Variants in UBQLNL observed in about 807,000 individuals in gnomAD.
UBQLNL encodes ubiquilin like.
For synonymous variants in UBQLNL, 223 were observed against 209.7 expected (o/e 1.06, Z -0.55); for missense variants, 589 against 567.1 (o/e 1.04, Z -0.39).
Position 5,515,634 on chromosome 11 carries a change from G to A in UBQLNL, c.808C>T (p.Leu270=), listed in dbSNP as rs1454610753. Residue 270 remains leucine, a synonymous_variant, in exon 1 of 1, where the codon CTG becomes TTG. Transcript: ENST00000380184. ...LETMPGGNNA[L]GQNYADINDQ... is the part of the protein sequence containing the mutation. ...TTGATATCAGCATAGTTCTGACCCA[G>A]GGCATTATTCCCACCTGGCATTGTC... The A allele has an allele frequency of 6.2e-7, 1 of 1,614,122 alleles. No individual in the cohort carries two copies. The highest frequency in any genetic ancestry group is 1.7e-5 in the Admixed American group (1 of 60,014).
chr11:5,516,503 G>A lies in UBQLNL; in HGVS notation c.-62C>T, dbSNP rs1590041083. 5.0e-6 allele frequency: 7 copies of A among 1,408,424 alleles called. No homozygotes were observed. In the East Asian group the frequency reaches 1.6e-4, roughly 32 times the overall value. 87.2% of individuals were successfully genotyped at this position (1,408,424 alleles called of 1,614,324 possible). ...AGCTGGGGCAGAAAGGGTGAGGGCA[G>A]ACAAATGTTTCTGCTGGCCTTTGTC... is the stretch of plus-strand genomic sequence containing the variant. On this transcript the variant is annotated 5_prime_UTR_variant, in exon 1 of 1. Coordinates refer to ENST00000380184, the MANE Select transcript of UBQLNL (RefSeq NM_145053.5).
rs189066178 is a variant in UBQLNL, at chr11:5,515,479, G to A, written c.963C>T (p.Asp321=). The A allele has an allele frequency of 5.6e-6, 9 of 1,614,182 alleles. No homozygotes were observed. In the Admixed American group the frequency reaches 1.5e-4, roughly 27 times the overall value. Residue 321 remains aspartate, a synonymous_variant, in exon 1 of 1, where the codon GAC becomes GAT. Coordinates refer to ENST00000380184, the MANE Select transcript of UBQLNL (RefSeq NM_145053.5). ...GGGTTGCAGGATGCTGTGTGAGCTG[G>A]TCTTGTTGTTCCTGTGATGGTGGTG... ...PPPPPSQEQQ[D]QLTQHPATRV... is the part of the protein sequence containing the mutation.
rs1411697471 is a variant in UBQLNL at position 5,515,159 on chromosome 11, C to T, written c.1283G>A (p.Gly428Asp). ...GTTGTTCATAAGCAACTGCATCATG[C>T]CTCCTGTGATCTGGGAGCTGCTCTG... ...DEQSSSQITG[G>D]MMQLLMNNPY... Residue 428 changes from glycine to aspartate, a missense_variant, in exon 1 of 1, where the codon GGC (glycine) becomes GAC (aspartate). Coordinates refer to ENST00000380184, the MANE Select transcript of UBQLNL (RefSeq NM_145053.5). The T allele has an allele frequency of 6.2e-7, 1 of 1,614,222 alleles. No individual in the cohort carries two copies. The highest frequency in any genetic ancestry group is 2.2e-5 in the East Asian group (1 of 44,884).
chr11:5,515,711 G>A lies in UBQLNL; in HGVS notation c.731C>T (p.Pro244Leu), dbSNP rs1265685039. The change falls in exon 1 of 1, where the codon CCT (proline) becomes CTT (leucine). Residue 244 changes from proline to leucine, a missense_variant. Physicochemically the swap from Pro to Leu is moderately conservative, Grantham distance 98 (BLOSUM62 -3). Transcript: ENST00000380184. The part of the protein sequence containing the change: ...MIQEIMQIQQ[P>L]SQNLEYPLNP... ...CAGTGGATACTCAAGGTTTTGTGAA[G>A]GTTGTTGGATCTGCATTATCTCTTG... 1.2e-6 allele frequency: 2 copies of A among 1,614,052 alleles called. No individual in the cohort carries two copies. The highest frequency in any genetic ancestry group is 1.7e-5 in the Admixed American group (1 of 60,004).
chr11:5,515,438 CTAT>C lies in UBQLNL; in HGVS notation c.1001_1003del (p.Asn334del), dbSNP rs1846517265. 3.7e-6 allele frequency: 6 copies of C among 1,614,096 alleles called. No homozygotes were observed. Among genetic ancestry groups the C allele is most frequent in the Non-Finnish European group, 5.1e-6 (6 of 1,180,028 alleles). ...GGTGTTTGAAGAGAAACCACCAGAG[CTAT>C]TATAGATGACTCGGGTTGCAGGATG... On this transcript the variant is annotated inframe_deletion, in exon 1 of 1. Coordinates refer to ENST00000380184, the MANE Select transcript of UBQLNL (RefSeq NM_145053.5).
In UBQLNL at chr11:5,516,456, G is replaced by A. The variant is rs776190935; in HGVS notation, c.-15C>T. 2.9e-5 allele frequency: 46 copies of A among 1,604,830 alleles called. 1 individual carries two copies. In the East Asian group the frequency reaches 9.9e-4, roughly 34 times the overall value. On this transcript the variant is annotated 5_prime_UTR_variant, in exon 1 of 1. Transcript: ENST00000380184. Reference sequence around the variant, plus strand: ...GCATGCCACATGGGCTTTAGTGGGTGGGCAGATGGGGAGCAGGTGGAAGCT... The same window carrying A: ...GCATGCCACATGGGCTTTAGTGGGTAGGCAGATGGGGAGCAGGTGGAAGCT...
rs993309143 is a variant in UBQLNL, at chr11:5,515,509, T to C, written c.933A>G (p.Pro311=). The change falls in exon 1 of 1, where the codon CCA becomes CCG. Residue 311 remains proline, a synonymous_variant. Coordinates refer to ENST00000380184, the MANE Select transcript of UBQLNL (RefSeq NM_145053.5). ...GTTGTTCCTGTGATGGTGGTGGAGG[T>C]GGGGGTGAAGACTGGACTTGTTCTA... ...QVLEQVQSSP[P]PPPPSQEQQD... 5 of 1,613,664 alleles carry C rather than the reference T, an allele frequency of 3.1e-6. No individual in the cohort carries two copies. Among genetic ancestry groups the C allele is most frequent in the East Asian group, 2.2e-5 (1 of 44,862 alleles).
rs1335353187 is a variant in UBQLNL, at chr11:5,515,681, G to A, written c.761C>T (p.Pro254Leu). ...PSQNLEYPLNPQPYLGLETMP... is the reference protein window; with the variant it reads ...PSQNLEYPLNLQPYLGLETMP... ...TGTCTCTAAGCCCAGATATGGCTGTGGGTTCAGTGGATACTCAAGGTTTTG... is the reference window on the plus strand; with the variant it reads ...TGTCTCTAAGCCCAGATATGGCTGTAGGTTCAGTGGATACTCAAGGTTTTG... The change falls in exon 1 of 1, where the codon CCA becomes CTA. Residue 254 changes from proline to leucine, a missense_variant. Coordinates refer to ENST00000380184, the MANE Select transcript of UBQLNL (RefSeq NM_145053.5). 6 of 1,614,052 alleles carry A rather than the reference G, an allele frequency of 3.7e-6. No individual in the cohort carries two copies. In the African/African-American group the frequency reaches 4.0e-5, roughly 11 times the overall value.
chr11:5,515,108 A>C lies in UBQLNL; in HGVS notation c.1334T>G (p.Leu445Trp), dbSNP rs754482131. ...NNPYLAAQIM[L>W]FTSMPQLSEQ... is the part of the protein sequence containing the mutation. ...ACTCAGCTGGGGCATACTTGTGAAC[A>C]ACATAATCTGAGCTGCCAGGTAGGG... Residue 445 changes from leucine (L) to tryptophan (W), a missense_variant, in exon 1 of 1, where the codon TTG (leucine) becomes TGG (tryptophan). Coordinates refer to ENST00000380184, the MANE Select transcript of UBQLNL (RefSeq NM_145053.5). 1.1e-5 allele frequency: 17 copies of C among 1,614,146 alleles called. No homozygotes were observed. The South Asian group carries it at 1.8e-4, about 17-fold the overall frequency.
chr11:5,516,463 TG>T lies in UBQLNL; in HGVS notation c.-23del, dbSNP rs1222143395. ...ACATGGGCTTTAGTGGGTGGGCAGA[TG>T]GGGAGCAGGTGGAAGCTGGGGCAGA... On this transcript the variant is annotated 5_prime_UTR_variant, in exon 1 of 1. Coordinates refer to ENST00000380184, the MANE Select transcript of UBQLNL (RefSeq NM_145053.5). The T allele has an allele frequency of 6.2e-7, 1 of 1,602,320 alleles. No individual in the cohort carries two copies. The highest frequency in any genetic ancestry group is 8.5e-7 in the Non-Finnish European group (1 of 1,171,358).
rs903999321 is a variant in UBQLNL, at chr11:5,514,682, G to T, written c.*332C>A. On this transcript the variant is annotated 3_prime_UTR_variant, in exon 1 of 1. Transcript: ENST00000380184. ...TGAGTGCCTGTAGATTGGCATGGTG[G>T]TTCCCAAATCCCATGGCCTGGAGAG... The T allele has an allele frequency of 3.7e-5, 10 of 266,962 alleles. No individual in the cohort carries two copies. The highest frequency in any genetic ancestry group is 2.2e-4 in the African/African-American group (10 of 45,610). The allele number at this position is 266,962 out of a possible 1,614,324, so 16.5% of individuals were successfully genotyped here.
chr11:5,516,662 T>A lies in UBQLNL; in HGVS notation c.-221A>T. On this transcript the variant is annotated 5_prime_UTR_variant, in exon 1 of 1. Coordinates refer to ENST00000380184, the MANE Select transcript of UBQLNL (RefSeq NM_145053.5). ...CTCCAGATGTGGCCCAGCTGAGGCC[T>A]GGCATAGCTACTGATTCATAATTCA... is the stretch of plus-strand genomic sequence containing the variant. The A allele has an allele frequency of 1.8e-6, 1 of 556,434 alleles. No homozygotes were observed. The highest frequency in any genetic ancestry group is 3.3e-6 in the Non-Finnish European group (1 of 303,760). The allele number at this position is 556,434 out of a possible 1,614,324, so 34.5% of individuals were successfully genotyped here. A position where few individuals can be genotyped will look rare whatever the true frequency, so the allele number is the denominator to read the frequency against.
rs1590040041 is a variant in UBQLNL, at chr11:5,514,861, G to A, written c.*153C>T. On this transcript the variant is annotated 3_prime_UTR_variant, in exon 1 of 1. Coordinates refer to ENST00000380184, the MANE Select transcript of UBQLNL (RefSeq NM_145053.5). ...GTATCTGAAACATTCCAGGAACAGG[G>A]CACTGTGTCAGGATAGCTGCAGCTG... is the stretch of plus-strand genomic sequence containing the variant. 1 of 706,934 alleles carries A rather than the reference G, an allele frequency of 1.4e-6. No homozygotes were observed. The highest frequency in any genetic ancestry group is 2.5e-5 in the East Asian group (1 of 39,412). 43.8% of individuals were successfully genotyped at this position (706,934 alleles called of 1,614,324 possible). A position where few individuals can be genotyped will look rare whatever the true frequency, so the allele number is the denominator to read the frequency against.
Position 5,516,040 on chromosome 11 carries a change from T to C in UBQLNL, c.402A>G (p.Arg134=). The C allele has an allele frequency of 1.2e-6, 2 of 1,614,126 alleles. No individual in the cohort carries two copies. Among genetic ancestry groups the C allele is most frequent in the Non-Finnish European group, 1.7e-6 (2 of 1,179,990 alleles). The part of the protein sequence containing the change: ...RDRNTKGNSS[R]VHQPTGMNQA... ...GATTCATACCAGTTGGTTGGTGCAC[T>C]CTGCTGCTGTTTCCTTTGGTGTTTC... Residue 134 remains arginine, a synonymous_variant, in exon 1 of 1, where the codon AGA becomes AGG. Coordinates refer to ENST00000380184, the MANE Select transcript of UBQLNL (RefSeq NM_145053.5).
rs1846505135 is a variant in UBQLNL, at chr11:5,514,745, C to A, written c.*269G>T. The A allele has an allele frequency of 2.3e-6, 1 of 441,540 alleles. No individual in the cohort carries two copies. The highest frequency in any genetic ancestry group is 4.0e-6 in the Non-Finnish European group (1 of 248,676). The allele number at this position is 441,540 out of a possible 1,614,324, so 27.4% of individuals were successfully genotyped here. On this transcript the variant is annotated 3_prime_UTR_variant, in exon 1 of 1. Coordinates refer to ENST00000380184, the MANE Select transcript of UBQLNL (RefSeq NM_145053.5). ...TGCTAAAACAAATCTCAGGAGCTTG[C>A]AGAGGGTGGGAAGGGTCCCCATCCG...
In UBQLNL at chr11:5,515,272, C is replaced by T; in HGVS notation, c.1170G>A (p.Gln390=). The change falls in exon 1 of 1, where the codon CAG becomes CAA. Residue 390 remains glutamine (Q), a synonymous_variant. Coordinates refer to ENST00000380184, the MANE Select transcript of UBQLNL (RefSeq NM_145053.5). ...IPALPSIELT[Q]QLQEEYKDAT... ...CATCCTTGTATTCTTCTTGAAGCTG[C>T]TGGGTAAGCTCTATGCTAGGTAAGG... 6.2e-7 allele frequency: 1 copy of T among 1,614,206 alleles called. No homozygotes were observed. The highest frequency in any genetic ancestry group is 1.6e-4 in the Middle Eastern group (1 of 6,062).
Position 5,516,145 on chromosome 11 carries a change from G to T in UBQLNL, c.297C>A (p.Val99=). 3 of 1,614,152 alleles carry T rather than the reference G, an allele frequency of 1.9e-6. No homozygotes were observed. Among genetic ancestry groups the T allele is most frequent in the Non-Finnish European group, 2.5e-6 (3 of 1,180,028 alleles). ...GIMDGHTIYL[V]IKSKQGSRSL... ...ATCTGGAGCCCTGCTTGGACTTGAT[G>T]ACCAAGTAGATGGTGTGGCCATCCA... Residue 99 remains valine, a synonymous_variant, in exon 1 of 1, where the codon GTC becomes GTA. Transcript: ENST00000380184.
rs1846513155 is a variant in UBQLNL at position 5,515,263 on chromosome 11, T to C, written c.1179A>G (p.Gln393=). The C allele has an allele frequency of 1.9e-6, 3 of 1,614,126 alleles. No individual in the cohort carries two copies. In the South Asian group the frequency reaches 3.3e-5, roughly 18 times the overall value. The change falls in exon 1 of 1, where the codon CAA becomes CAG. Residue 393 remains glutamine (Q), a synonymous_variant. Transcript: ENST00000380184. ...AAACAGTGGCATCCTTGTATTCTTC[T>C]TGAAGCTGCTGGGTAAGCTCTATGC... ...LPSIELTQQL[Q]EEYKDATVSL...
At position 5,515,860 on chromosome 11, in the gene UBQLNL, G is replaced by A; in HGVS notation, c.582C>T (p.Phe194=). The change falls in exon 1 of 1, where the codon TTC becomes TTT. Residue 194 remains phenylalanine, a synonymous_variant. Coordinates refer to ENST00000380184, the MANE Select transcript of UBQLNL (RefSeq NM_145053.5). Reference sequence around the variant, plus strand: ...GTTGCGTGTCTAGATGTTCTGAAATGAACTGCCACATGAACTCCATGTTGG... The same window carrying A: ...GTTGCGTGTCTAGATGTTCTGAAATAAACTGCCACATGAACTCCATGTTGG... The part of the protein sequence containing the change: ...LLSNMEFMWQ[F]ISEHLDTQQL... 1 of 1,614,132 alleles carries A rather than the reference G, an allele frequency of 6.2e-7. No homozygotes were observed. The highest frequency in any genetic ancestry group is 8.5e-7 in the Non-Finnish European group (1 of 1,180,028).
Sources: allele counts gnomAD v4.1 joint callset, GRCh38; gene constraint gnomAD v4.1.1; transcripts MANE v1.5; gene names NCBI Gene and HGNC (gene_info 2026-07-23, HGNC 2026-07-21).